Variants in IGSF21 observed in about 807,000 individuals in gnomAD.
IGSF21 encodes the protein immunoglobulin superfamily member 21.
IGSF21 carries 28 observed loss-of-function variants against 46.8 expected under a neutral mutation model. The observed-to-expected ratio is 0.60, with a 90% CI of 0.44 to 0.82. IGSF21 has a LOEUF of 0.82. Among genes scored for constraint, IGSF21 ranks in the 40% least tolerant of loss-of-function variants. The pLI is 0.00. For missense variants in IGSF21, 624 were observed against 665.5 expected (o/e 0.94, Z 0.69); for synonymous variants, 284 against 273.6 (o/e 1.04, Z -0.38).
intron 2 of IGSF21, among the ~76,000 whole-genome samples, chr1:18,262,613 A>G (rs1310929945): frequency 6.6e-6 from 1 of 152,220 alleles, no homozygotes. Flanking sequence ...GCGCTGTTCC[A>G]GAAGCGGGAT....
At chr1:18,153,038 G>A (rs1367359282) in intron 1 of IGSF21, among the ~76,000 whole-genome samples, 5 of 152,190 alleles carry the variant, frequency 3.3e-5, no homozygotes. Flanking sequence ...CTTGCAGTGT[G>A]CCGGCCAACA....
intron 1 of IGSF21, among the ~76,000 whole-genome samples, chr1:18,211,078 G>A (rs1221604409): frequency 6.6e-6 from 1 of 152,124 alleles, no homozygotes; most frequent in Non-Finnish European, 1.5e-5. Context: ...CACCATATTA[G>A]CCAGGCTGGT....
chr1:18,346,057 G>T (rs891730702), intron 4 of IGSF21, among the ~76,000 whole-genome samples: 1 of 152,190 alleles, frequency 6.6e-6, no homozygotes, highest in Non-Finnish European at 1.5e-5. Context: ...CACAGTGAGT[G>T]CTCTGGAGGA....
At chr1:18,247,972 C>T (rs1239071881) in intron 2 of IGSF21, among the ~76,000 whole-genome samples, 1 of 152,216 alleles carries the variant, frequency 6.6e-6, no homozygotes, top group Non-Finnish European at 1.5e-5. Context: ...CACACACACG[C>T]AGTCTGCCCA....
chr1:18,231,172 C>T (rs2084622561), intron 2 of IGSF21, among the ~76,000 whole-genome samples: 1 of 152,128 alleles, frequency 6.6e-6, no homozygotes, highest in Admixed American at 6.5e-5. Context: ...CAAAATGGCC[C>T]AAAACATGTG....
At chr1:18,179,752 G>A (rs946190136) in intron 1 of IGSF21, among the ~76,000 whole-genome samples, 1 of 152,074 alleles carries the variant, frequency 6.6e-6, no homozygotes, top group Non-Finnish European at 1.5e-5. Context: ...GGGATGTGAG[G>A]ATCTGGAAAC....
rs562823968 is a variant in IGSF21, at chr1:18,210,161, A to G, written c.71-17737A>G. 5.3e-5 allele frequency among the ~76,000 whole-genome samples: 8 copies of G among 152,226 alleles called. 1 individual carries two copies. In the South Asian group the frequency reaches 1.7e-3, roughly 32 times the overall value. On this transcript the variant is annotated intron_variant, in intron 1 of 9. Transcript: ENST00000251296. ...GGATGTAGGATGTATGCATTTAATGAAGTATTAATATGAAGACCGGATTGC... is the reference window on the plus strand; with the variant it reads ...GGATGTAGGATGTATGCATTTAATGGAGTATTAATATGAAGACCGGATTGC...
Position 18,335,241 on chromosome 1 carries a change from C to G in IGSF21, c.424+231C>G, listed in dbSNP as rs1470365109. On this transcript the variant is annotated intron_variant, in intron 4 of 9. Transcript: ENST00000251296. This position sits in a 1 kb window ranked among gnomAD's most constrained non-coding sequence, Gnocchi z 4.8. ...GGGCCTCCCCTCAGGAGGTCCCCTTCTCAGCACAGGTACCCCAACAGGACC... is the reference window on the plus strand; with the variant it reads ...GGGCCTCCCCTCAGGAGGTCCCCTTGTCAGCACAGGTACCCCAACAGGACC... Among the ~76,000 whole-genome samples the G allele has an allele frequency of 1.3e-5, 2 of 152,206 alleles. No individual in the cohort carries two copies. Among genetic ancestry groups the G allele is most frequent in the Non-Finnish European group, 2.9e-5 (2 of 68,036 alleles).
At chr1:18,110,034 C>G (rs1478598586) in intron 1 of IGSF21, 4 of 152,274 alleles carry the variant, frequency 2.6e-5, no homozygotes, top group African/African-American at 9.6e-5. Context: ...GTTCTTCTGG[C>G]TGCCCGGCTG....
At chr1:18,355,086 A>C (rs567513976) in intron 4 of IGSF21, among the ~76,000 whole-genome samples, 2 of 152,226 alleles carry the variant, frequency 1.3e-5, no homozygotes, top group African/African-American at 2.4e-5. Flanking sequence ...TGTTGGGAGC[A>C]GAGCCTGGGC....
At position 18,290,546 on chromosome 1, in the gene IGSF21, C is replaced by T. The variant is rs566966044; in HGVS notation, c.184-1320C>T. ...GGCTATGGAAAGTGACTGGCACAGACGTAGCCTGTGTCTGCACACAGCTGG... is the reference window on the plus strand; with the variant it reads ...GGCTATGGAAAGTGACTGGCACAGATGTAGCCTGTGTCTGCACACAGCTGG... On this transcript the variant is annotated intron_variant, in intron 2 of 9. Transcript: ENST00000251296. The surrounding 1 kb of genome is among the most constrained non-coding windows in gnomAD (Gnocchi z 4.2). 1.3e-4 allele frequency among the ~76,000 whole-genome samples: 20 copies of T among 152,316 alleles called. No individual in the cohort carries two copies. The highest frequency in any genetic ancestry group is 4.6e-4 in the African/African-American group (19 of 41,582).
intron 2 of IGSF21, among the ~76,000 whole-genome samples, chr1:18,291,506 C>T (rs1016124129): frequency 4.6e-5 from 7 of 152,230 alleles, no homozygotes; most frequent in Non-Finnish European, 7.3e-5. Context: ...TGGAGACCCT[C>T]CATGATCTGG....
chr1:18,319,934 G>A (rs2085584497), intron 3 of IGSF21, among the ~76,000 whole-genome samples: 1 of 152,172 alleles, frequency 6.6e-6, no homozygotes, highest in African/African-American at 2.4e-5. Context: ...GTTCTATGAG[G>A]TCAGTGGTTT....
intron 2 of IGSF21, among the ~76,000 whole-genome samples, chr1:18,271,039 A>C (rs955686868): frequency 6.6e-6 from 1 of 152,190 alleles, no homozygotes; most frequent in Non-Finnish European, 1.5e-5. Flanking sequence ...GGCCCAAGAG[A>C]AGCTGAAATA....
chr1:18,215,570 G>A (rs1318892719), intron 1 of IGSF21, among the ~76,000 whole-genome samples: 2 of 152,182 alleles, frequency 1.3e-5, no homozygotes, highest in Non-Finnish European at 2.9e-5. Flanking sequence ...GCGAAGTGAT[G>A]GGGGCAAAGT....
intron 4 of IGSF21, among the ~76,000 whole-genome samples, chr1:18,357,664 AAAG>A (rs2086035392): frequency 6.6e-6 from 1 of 152,134 alleles, no homozygotes. Context: ...GAAAAATAGA[AAAG>A]AAGAGGGCGA....
intron 1 of IGSF21, among the ~76,000 whole-genome samples, chr1:18,186,460 G>A (rs1453335297): frequency 2.0e-5 from 3 of 152,098 alleles, no homozygotes; most frequent in East Asian, 3.9e-4. Context: ...AGTCACCAAG[G>A]CCTAGAAAGA....
At chr1:18,149,281 G>A (rs1039002045) in intron 1 of IGSF21, among the ~76,000 whole-genome samples, 3 of 152,152 alleles carry the variant, frequency 2.0e-5, no homozygotes, top group Non-Finnish European at 4.4e-5. Flanking sequence ...AGGAGCGCTC[G>A]GTGTGCAGGG....
Position 18,311,683 on chromosome 1 carries a change from G to A in IGSF21, c.305+19696G>A, listed in dbSNP as rs539363451. On this transcript the variant is annotated intron_variant, in intron 3 of 9. Coordinates refer to ENST00000251296, the MANE Select transcript of IGSF21 (RefSeq NM_032880.5). The stretch of plus-strand genomic sequence containing the variant: ...ATGGACTCACAGTTCCACATGGCTG[G>A]GGAGGCCTCACAATCATGGCAGAAG... 9.1e-4 allele frequency among the ~76,000 whole-genome samples: 139 copies of A among 152,268 alleles called. 1 individual carries two copies. The highest frequency in any genetic ancestry group is 3.0e-3 in the African/African-American group (126 of 41,544).
Sources: gnomAD v4.1 joint callset for allele counts (sites outside exome capture counted in the v4.1 genomes callset) on GRCh38, gnomAD v4.1.1 for gene constraint, Gnocchi (gnomAD v3.1) non-coding constraint, MANE v1.5 for transcripts, NCBI Gene and HGNC (gene_info 2026-07-23, HGNC 2026-07-21) for gene names.